Variants in COL4A1 observed in about 807,000 individuals in gnomAD.
COL4A1 encodes the protein collagen alpha-1(IV) chain.
COL4A1 carries 40 observed loss-of-function variants against 216.6 expected under a neutral mutation model. The ratio of observed to expected loss-of-function variants is 0.18; its 90% CI spans 0.14 to 0.24. COL4A1 has a LOEUF of 0.24. COL4A1 is among the 10% of genes least tolerant of loss of function. The pLI, the probability that COL4A1 is intolerant of heterozygous loss-of-function variation, is 1.00. For missense variants in COL4A1, 1,628 were observed against 2,196.8 expected (o/e 0.74, Z 5.18); for synonymous variants, 839 against 810.7 (o/e 1.03, Z -0.59).
At chr13:110,280,431 TC>T (rs1883584880) in intron 1 of COL4A1, among the ~76,000 whole-genome samples, 1 of 152,240 alleles carries the variant, frequency 6.6e-6, no homozygotes, top group Admixed American at 6.5e-5. Context: ...TTCATAATTC[TC>T]ATGAATACAT....
intron 1 of COL4A1, among the ~76,000 whole-genome samples, chr13:110,263,993 A>G (rs1055435861): frequency 6.6e-6 from 1 of 152,214 alleles, no homozygotes; most frequent in Non-Finnish European, 1.5e-5. Context: ...TCAAAAGAAA[A>G]AGTTCAGGAC....
chr13:110,256,750 G>T (rs1331256381), intron 1 of COL4A1, among the ~76,000 whole-genome samples: 1 of 151,870 alleles, frequency 6.6e-6, no homozygotes, highest in African/African-American at 2.4e-5. Flanking sequence ...GCGGCGGGGG[G>T]GTCTATCCGA....
chr13:110,177,817 C>T (rs766423754), intron 33 of COL4A1, 25 bp downstream of exon 33: 74 of 1,611,654 alleles, frequency 4.6e-5, no homozygotes, highest in Non-Finnish European at 6.2e-5. Flanking sequence ...ACAAAATGAG[C>T]TTCTAGGGTT....
chr13:110,253,685 T>C (rs1027589997), intron 1 of COL4A1, among the ~76,000 whole-genome samples: 16 of 126,124 alleles, frequency 1.3e-4, no homozygotes, highest in Non-Finnish European at 2.6e-4. Context: ...ATGTATTACA[T>C]ATACATATAA....
chr13:110,205,314 A>T (rs1879442368), intron 17 of COL4A1, 39 bp downstream of exon 17: 1 of 1,612,340 alleles, frequency 6.2e-7, no homozygotes, highest in Admixed American at 1.7e-5. Flanking sequence ...GTTGAATTGG[A>T]AAGTGAAGAT....
chr13:110,185,781 T>A (rs1171076032), intron 26 of COL4A1, among the ~76,000 whole-genome samples: 1 of 152,144 alleles, frequency 6.6e-6, no homozygotes, highest in Non-Finnish European at 1.5e-5. Context: ...CCCACACTCA[T>A]CCCTGCTACA....
At chr13:110,301,775 T>G (rs893060452) in intron 1 of COL4A1, among the ~76,000 whole-genome samples, 5 of 152,088 alleles carry the variant, frequency 3.3e-5, no homozygotes, top group African/African-American at 1.2e-4. Flanking sequence ...GCAGAGATTA[T>G]CCTTCCTTAC....
At chr13:110,216,681 A>T (rs1285387353) in intron 2 of COL4A1, among the ~76,000 whole-genome samples, 1 of 152,218 alleles carries the variant, frequency 6.6e-6, no homozygotes, top group Non-Finnish European at 1.5e-5. Flanking sequence ...CACTACAGCC[A>T]GAAATAGAAA....
At chr13:110,250,084 A>T (rs540518061) in intron 1 of COL4A1, among the ~76,000 whole-genome samples, 1 of 152,292 alleles carries the variant, frequency 6.6e-6, no homozygotes, top group East Asian at 1.9e-4. Context: ...TAAATAAAAT[A>T]ATATTTCTGT....
intron 2 of COL4A1, among the ~76,000 whole-genome samples, chr13:110,228,019 C>T (rs981175574): frequency 2.6e-5 from 4 of 152,134 alleles, no homozygotes; most frequent in Admixed American, 6.5e-5. Context: ...CCCATTTGAA[C>T]GTCACCCTCG....
At chr13:110,225,416 C>G (rs1880691999) in intron 2 of COL4A1, among the ~76,000 whole-genome samples, 1 of 152,178 alleles carries the variant, frequency 6.6e-6, no homozygotes, top group African/African-American at 2.4e-5. Context: ...AAACTTGTCT[C>G]TACTAAAAAT....
rs35784668 is a variant in COL4A1, at chr13:110,198,190, A to T, written c.1285+277T>A. Among the ~76,000 whole-genome samples the T allele has an allele frequency of 0.26, 39,659 of 151,468 alleles. 5,396 individuals carry two copies. The highest frequency in any genetic ancestry group is 0.32 in the Admixed American group (4,841 of 15,184). Reference sequence around the variant, plus strand: ...TTCAATAAAAATTACATAACTCAACAGTTTTGCTTTTTAACTTTAGATGCC... The same window carrying T: ...TTCAATAAAAATTACATAACTCAACTGTTTTGCTTTTTAACTTTAGATGCC... On this transcript the variant is annotated intron_variant, in intron 21 of 51. Transcript: ENST00000375820.
rs10590627 is a variant in COL4A1, at chr13:110,209,160, AGT to A, written c.651+230_651+231del. 0.98 allele frequency among the ~76,000 whole-genome samples: 148,468 copies of A among 152,238 alleles called. 72,527 individuals are homozygous for A. Among genetic ancestry groups the A allele is most frequent in the Middle Eastern group, 1 (294 of 294 alleles). ...GCATTAGAAAACTAAGGGAAATATC[AGT>A]GTGATTCCAAAGTATTGACTAAGGG... On this transcript the variant is annotated intron_variant, in intron 11 of 51. Coordinates refer to ENST00000375820, the MANE Select transcript of COL4A1 (RefSeq NM_001845.6).
At chr13:110,258,628 T>G (rs1287757305) in intron 1 of COL4A1, among the ~76,000 whole-genome samples, 29 of 152,234 alleles carry the variant, frequency 1.9e-4, no homozygotes, top group Non-Finnish European at 4.4e-5. Flanking sequence ...ATGTGCCTCT[T>G]TATTAAAAAA....
At chr13:110,264,343 T>TAG (rs775292567) in intron 1 of COL4A1, among the ~76,000 whole-genome samples, 63 of 152,298 alleles carry the variant, frequency 4.1e-4, no homozygotes, top group Non-Finnish European at 8.2e-4. Flanking sequence ...CCTCTGGAGT[T>TAG]AGCTGAGTCA....
chr13:110,174,412 G>T, intron 39 of COL4A1, 34 bp downstream of exon 39: 2 of 1,610,892 alleles, frequency 1.2e-6, no homozygotes, highest in South Asian at 2.2e-5. Flanking sequence ...TGTTCTCTAT[G>T]TGCCCGGGCT....
chr13:110,225,007 T>C (rs1429351278), intron 2 of COL4A1, among the ~76,000 whole-genome samples: 1 of 152,242 alleles, frequency 6.6e-6, no homozygotes, highest in Non-Finnish European at 1.5e-5. Context: ...GAATTGCTCA[T>C]TGGCAATTAA....
chr13:110,277,438 A>G (rs1490136450), intron 1 of COL4A1, among the ~76,000 whole-genome samples: 1 of 152,234 alleles, frequency 6.6e-6, no homozygotes, highest in Non-Finnish European at 1.5e-5. Context: ...GCTAATTAAT[A>G]TAATAATCCC....
chr13:110,163,973 T>A (rs1877206672), intron 46 of COL4A1, among the ~76,000 whole-genome samples: 1 of 140,636 alleles, frequency 7.1e-6, no homozygotes, highest in African/African-American at 2.6e-5. Flanking sequence ...TTCTTCTTTC[T>A]TTCTCTCTCT....
Sources: allele counts gnomAD v4.1 joint callset (sites outside exome capture counted in the v4.1 genomes callset), GRCh38; gene constraint gnomAD v4.1.1; transcripts MANE v1.5; gene names NCBI Gene and HGNC (gene_info 2026-07-23, HGNC 2026-07-21).